AMBRA1: variants seen among roughly 807,000 people sequenced by gnomAD.
The protein encoded by AMBRA1 is activating molecule in BECN1-regulated autophagy protein 1.
AMBRA1 carries 47 observed loss-of-function variants against 125.4 expected under a neutral mutation model. The ratio of observed to expected loss-of-function variants is 0.37; its 90% CI spans 0.30 to 0.48. The LOEUF is 0.48. AMBRA1 is among the 20% of genes least tolerant of loss of function. The probability of loss-of-function intolerance (pLI) is 0.99; values close to 1 mark genes in which losing one functional copy is unlikely to be tolerated. For missense variants in AMBRA1, 1,331 were observed against 1,693.4 expected (o/e 0.79, Z 3.76); for synonymous variants, 626 against 655.5 (o/e 0.95, Z 0.69).
intron 11 of AMBRA1, among the ~76,000 whole-genome samples, chr11:46,456,137 A>G (rs528458883): frequency 1.3e-5 from 2 of 152,308 alleles, no homozygotes; most frequent in South Asian, 2.1e-4. Context: ...TAAGACAAAA[A>G]CAAATAAGCT....
Position 46,404,078 on chromosome 11 carries a change from T to G in AMBRA1, c.3403+4435A>C, listed in dbSNP as rs183385135. ...AAAATTAGCCAGGCGTGGTGGCGTG[T>G]GCCAGGAGGCTGAGGTGGGAGGATC... On this transcript the variant is annotated intron_variant, in intron 17 of 17. Coordinates refer to ENST00000683756, the MANE Select transcript of AMBRA1 (RefSeq NM_001387011.1). Among the ~76,000 whole-genome samples the G allele has an allele frequency of 7.8e-4, 119 of 152,214 alleles. 3 individuals are homozygous for G. In the East Asian group the frequency reaches 0.015, roughly 20 times the overall value.
chr11:46,593,080 A>C (rs998175739), intron 1 of AMBRA1, among the ~76,000 whole-genome samples: 1 of 152,254 alleles, frequency 6.6e-6, no homozygotes, highest in Non-Finnish European at 1.5e-5. Context: ...AATGATACAG[A>C]CTTTGAAAAG....
At chr11:46,509,108 C>A (rs533405516) in intron 8 of AMBRA1, among the ~76,000 whole-genome samples, 1 of 152,158 alleles carries the variant, frequency 6.6e-6, no homozygotes, top group Admixed American at 6.5e-5. Context: ...TCAGAGGCTG[C>A]GTGGGCACTG....
At chr11:46,422,698 A>G (rs796251828) in intron 14 of AMBRA1, among the ~76,000 whole-genome samples, 4 of 152,136 alleles carry the variant, frequency 2.6e-5, no homozygotes, top group African/African-American at 9.6e-5. Context: ...CTGCATGCCA[A>G]TAAAACTCAG....
At chr11:46,436,033 C>G (rs1281105716) in intron 12 of AMBRA1, among the ~76,000 whole-genome samples, 1 of 152,210 alleles carries the variant, frequency 6.6e-6, no homozygotes, top group Non-Finnish European at 1.5e-5. Context: ...CCAAGCTCAT[C>G]AGGGCTTTGT....
intron 14 of AMBRA1, among the ~76,000 whole-genome samples, chr11:46,419,501 AT>A (rs1176713525): frequency 6.6e-6 from 1 of 152,216 alleles, no homozygotes; most frequent in Non-Finnish European, 1.5e-5. Context: ...AAGCTCCTAA[AT>A]AGTAACTGCT....
intron 12 of AMBRA1, among the ~76,000 whole-genome samples, chr11:46,441,013 T>C (rs1394961657): frequency 3.3e-5 from 5 of 152,128 alleles, no homozygotes; most frequent in African/African-American, 4.8e-5. Flanking sequence ...ACTACAAGGT[T>C]TGGTGCAATG....
intron 1 of AMBRA1, among the ~76,000 whole-genome samples, chr11:46,576,972 A>G (rs1310076690): frequency 6.6e-6 from 1 of 152,202 alleles, no homozygotes; most frequent in East Asian, 1.9e-4. Context: ...TTCATACAGG[A>G]AAGAGATTCT....
At chr11:46,588,733 C>G (rs61882756) in intron 1 of AMBRA1, among the ~76,000 whole-genome samples, 1 of 150,584 alleles carries the variant, frequency 6.6e-6, no homozygotes, top group Non-Finnish European at 1.5e-5. Context: ...CGAGATCGCG[C>G]CATTGCACAC....
chr11:46,549,727 G>A (rs1005916422), intron 1 of AMBRA1, among the ~76,000 whole-genome samples: 3 of 151,710 alleles, frequency 2.0e-5, no homozygotes, highest in Non-Finnish European at 2.9e-5. Context: ...GACTTTGGAC[G>A]TTTATGTCTC....
At chr11:46,558,564 A>C (rs924508757) in intron 1 of AMBRA1, among the ~76,000 whole-genome samples, 1 of 148,742 alleles carries the variant, frequency 6.7e-6, no homozygotes, top group East Asian at 1.9e-4. Flanking sequence ...AAAAAAAAAA[A>C]AAAAAAAAAA....
In AMBRA1 at chr11:46,492,613, C is replaced by G. The variant is rs535900899; in HGVS notation, c.2521+995G>C. Among the ~76,000 whole-genome samples, 59 of 152,066 alleles carry G rather than the reference C, an allele frequency of 3.9e-4. 1 individual carries two copies. The South Asian group carries it at 0.012, about 31-fold the overall frequency. ...GGGAAAGACTGTGACAGGGAAACAA[C>G]CTTTGCCACATATAAAAATGGAATT... is the stretch of plus-strand genomic sequence containing the variant. On this transcript the variant is annotated intron_variant, in intron 11 of 17. Transcript: ENST00000683756.
rs1241081737 is a variant in AMBRA1, at chr11:46,578,119, CAAAT to C, written c.-121+15705_-121+15708del. On this transcript the variant is annotated intron_variant, in intron 1 of 17. Coordinates refer to ENST00000683756, the MANE Select transcript of AMBRA1 (RefSeq NM_001387011.1). Reference sequence around the variant, plus strand: ...TGGAAGAAAGTGTGTCTCAAATAAACAAATAAAAGAATGCTAGGAGAACTAAAAA... The same window carrying C: ...TGGAAGAAAGTGTGTCTCAAATAAACAAAAGAATGCTAGGAGAACTAAAAA... Among the ~76,000 whole-genome samples, 3 of 152,036 alleles carry C rather than the reference CAAAT, an allele frequency of 2.0e-5. 1 individual carries two copies. In the South Asian group the frequency reaches 6.2e-4, roughly 32 times the overall value.
chr11:46,536,009 C>A (rs573547855), intron 7 of AMBRA1, among the ~76,000 whole-genome samples: 1 of 152,168 alleles, frequency 6.6e-6, no homozygotes, highest in Admixed American at 6.5e-5. Flanking sequence ...CCTTGTACAA[C>A]TCTAAGTAAT....
intron 11 of AMBRA1, among the ~76,000 whole-genome samples, chr11:46,472,184 C>G (rs142936362): frequency 1.3e-5 from 2 of 152,168 alleles, no homozygotes; most frequent in African/African-American, 2.4e-5. Flanking sequence ...CTATTTAGTT[C>G]AACAAGAAGT....
chr11:46,547,782 T>A (rs925640207), intron 3 of AMBRA1, 35 bp downstream of exon 3: 2 of 1,587,456 alleles, frequency 1.3e-6, no homozygotes, highest in African/African-American at 2.7e-5. Flanking sequence ...AGCACTGTTA[T>A]CACAAATCTT....
At chr11:46,512,028 G>A (rs1039670826) in intron 8 of AMBRA1, among the ~76,000 whole-genome samples, 2 of 152,038 alleles carry the variant, frequency 1.3e-5, no homozygotes, top group African/African-American at 4.8e-5. Context: ...CTAATTTTTT[G>A]TATTTTTAGT....
chr11:46,516,802 G>A (rs1018559522), intron 7 of AMBRA1, among the ~76,000 whole-genome samples: 1 of 152,088 alleles, frequency 6.6e-6, no homozygotes, highest in African/African-American at 2.4e-5. Context: ...GGAGAAAATT[G>A]AATGCGATGG....
At chr11:46,593,620 G>A (rs1397810240) in intron 1 of AMBRA1, among the ~76,000 whole-genome samples, 3 of 152,158 alleles carry the variant, frequency 2.0e-5, no homozygotes, top group Non-Finnish European at 4.4e-5. Context: ...GAACCACACC[G>A]GGAAGCCCCA....
Sources: allele counts gnomAD v4.1 joint callset (sites outside exome capture counted in the v4.1 genomes callset), GRCh38; gene constraint gnomAD v4.1.1; transcripts MANE v1.5; gene names NCBI Gene and HGNC (gene_info 2026-07-23, HGNC 2026-07-21).